Variants in TMEM236 observed in about 807,000 individuals in gnomAD.
TMEM236 encodes the protein transmembrane protein 236, also known as family with sequence similarity 23, member A.
TMEM236 carries 11 observed loss-of-function variants against 14.7 expected under a neutral mutation model. The ratio of observed to expected loss-of-function variants is 0.75; its 90% confidence interval spans 0.47 to 1.24. The LOEUF (loss-of-function observed/expected upper bound fraction) is 1.24. TMEM236 is among the 50% of genes most tolerant of loss of function. TMEM236 has a pLI of 0.00. For synonymous variants in TMEM236, 182 were observed against 168.6 expected (o/e 1.08, Z -0.62); for missense variants, 464 against 427.3 (o/e 1.09, Z -0.76).
rs1025593780 is a variant in TMEM236, at chr10:17,752,598, G to A, written c.257+46G>A. The A allele has an allele frequency of 7.1e-5, 113 of 1,588,048 alleles. 1 individual carries two copies. In the Middle Eastern group the frequency reaches 1.2e-3, roughly 17 times the overall value. On this transcript the variant is annotated intron_variant, in intron 1 of 3. Coordinates refer to ENST00000377495, the MANE Select transcript of TMEM236 (RefSeq NM_001098844.3). ...TTTTTTCTTTTTGATTTGGAGTCTC[G>A]CTCTGTCACCCAGGCTGGAGTGCAG...
At chr10:17,765,002 A>G (rs1837439145) in intron 1 of TMEM236, among the ~76,000 whole-genome samples, 1 of 151,708 alleles carries the variant, frequency 6.6e-6, no homozygotes, top group Admixed American at 6.6e-5. Context: ...TTGTATTTTT[A>G]GTAGAGATGG....
At chr10:17,768,086 G>GTTTTTTTTTTTTTT (rs879036347) in intron 1 of TMEM236, among the ~76,000 whole-genome samples, 21 of 92,010 alleles carry the variant, frequency 2.3e-4, no homozygotes, top group Non-Finnish European at 3.7e-4. Flanking sequence ...AATTTTTGTG[G>GTTTTTTTTTTTTTT]TTTTTTTTTT....
chr10:17,775,988 G>T lies in TMEM236; in HGVS notation c.331-41G>T. 8 of 1,612,116 alleles carry T rather than the reference G, an allele frequency of 5.0e-6. No homozygotes were observed. In the South Asian group the frequency reaches 8.8e-5, roughly 18 times the overall value. ...ATTGAAAGCATTTTGAGCAAAGAAA[G>T]CACAATAATTTAATGCTTGTAAATG... On this transcript the variant is annotated intron_variant, in intron 2 of 3. Coordinates refer to ENST00000377495, the MANE Select transcript of TMEM236 (RefSeq NM_001098844.3).
At chr10:17,763,797 G>A (rs1389299678) in intron 1 of TMEM236, among the ~76,000 whole-genome samples, 2 of 152,216 alleles carry the variant, frequency 1.3e-5, no homozygotes, top group South Asian at 2.1e-4. Context: ...TGGCAGCATC[G>A]CAGAGTGGTT....
At chr10:17,792,770 A>ATCT (rs1837947570) in intron 3 of TMEM236, among the ~76,000 whole-genome samples, 1 of 152,210 alleles carries the variant, frequency 6.6e-6, no homozygotes, top group Non-Finnish European at 1.5e-5. Flanking sequence ...TTATGCTTAT[A>ATCT]TCTTCTATAG....
chr10:17,770,672 C>T (rs888086842), intron 1 of TMEM236, among the ~76,000 whole-genome samples: 6 of 152,306 alleles, frequency 3.9e-5, no homozygotes, highest in Middle Eastern at 3.4e-3. Context: ...CGTGAGCCAC[C>T]GTGCCCGGCC....
chr10:17,786,953 ATCT>A (rs1332703828), intron 3 of TMEM236, among the ~76,000 whole-genome samples: 7 of 152,080 alleles, frequency 4.6e-5, no homozygotes, highest in African/African-American at 1.4e-4. Context: ...CCGCTTTTGC[ATCT>A]TCTTCATTCT....
intron 1 of TMEM236, among the ~76,000 whole-genome samples, chr10:17,757,969 A>G (rs1280067532): frequency 6.6e-6 from 1 of 152,016 alleles, no homozygotes; most frequent in African/African-American, 2.4e-5. Context: ...CAGTTTCACC[A>G]TATTGGCCAG....
intron 2 of TMEM236, among the ~76,000 whole-genome samples, chr10:17,773,177 G>T (rs978367227): frequency 1.7e-4 from 26 of 152,166 alleles, no homozygotes; most frequent in Middle Eastern, 3.2e-3. Flanking sequence ...CATTTCTGTT[G>T]GTTATGTATG....
Position 17,796,176 on chromosome 10 carries a change from T to C in TMEM236, c.728T>C (p.Leu243Pro). 1 of 1,613,954 alleles carries C rather than the reference T, an allele frequency of 6.2e-7. No individual in the cohort carries two copies. The highest frequency in any genetic ancestry group is 8.5e-7 in the Non-Finnish European group (1 of 1,179,854). ...VRAELFLWSFLLWSDTIEMVR... is the reference protein window; with the variant it reads ...VRAELFLWSFPLWSDTIEMVR... ...GCAGAGTTATTCTTATGGAGCTTTC[T>C]CCTGTGGTCTGACACGATAGAAATG... Residue 243 changes from leucine to proline, a missense_variant, in exon 4 of 4, where the codon CTC becomes CCC. Leu to Pro is a moderately conservative substitution (Grantham distance 98). Coordinates refer to ENST00000377495, the MANE Select transcript of TMEM236 (RefSeq NM_001098844.3).
At chr10:17,756,625 A>T (rs1177849733) in intron 1 of TMEM236, among the ~76,000 whole-genome samples, 2 of 152,280 alleles carry the variant, frequency 1.3e-5, no homozygotes, top group Non-Finnish European at 1.5e-5. Flanking sequence ...GTTTATCGTT[A>T]TTATTGCCTA....
At chr10:17,780,594 A>C (rs1837729553) in intron 3 of TMEM236, among the ~76,000 whole-genome samples, 1 of 152,154 alleles carries the variant, frequency 6.6e-6, no homozygotes. Context: ...ATGGTAAAGA[A>C]AGCTTTCTAC....
chr10:17,752,574 T>A, intron 1 of TMEM236, 22 bp downstream of exon 1: 1 of 1,611,290 alleles, frequency 6.2e-7, no homozygotes, highest in East Asian at 2.2e-5. Flanking sequence ...AATTTTCTTT[T>A]TTTTCTTTTT....
At chr10:17,787,034 G>T (rs985426170) in intron 3 of TMEM236, among the ~76,000 whole-genome samples, 2 of 152,210 alleles carry the variant, frequency 1.3e-5, no homozygotes, top group Non-Finnish European at 2.9e-5. Context: ...CCCCAGCCAT[G>T]TGGAACTGTA....
intron 3 of TMEM236, among the ~76,000 whole-genome samples, chr10:17,781,127 A>G (rs1009467100): frequency 6.6e-6 from 1 of 152,144 alleles, no homozygotes; most frequent in African/African-American, 2.4e-5. Context: ...TCCTATTGGC[A>G]CAGCTGCCAG....
In TMEM236 at chr10:17,800,259, AGTTAAAGGAAT is replaced by A. The variant is rs1162922828; in HGVS notation, c.*3758_*3768del. The A allele has an allele frequency of 6.6e-6, 1 of 151,456 alleles. No individual in the cohort carries two copies. Among genetic ancestry groups the A allele is most frequent in the Non-Finnish European group, 1.5e-5 (1 of 67,882 alleles). The allele number at this position is 151,456 out of a possible 1,614,324, so 9.4% of individuals were successfully genotyped here. A position where few individuals can be genotyped will look rare whatever the true frequency, so the allele number is the denominator to read the frequency against. Reference sequence around the variant, plus strand: ...AAAAAAAAAAAAGTCAAGTACAGTTAGTTAAAGGAATGTGCATTTAAAAATTAATCTATGAT... The same window carrying A: ...AAAAAAAAAAAAGTCAAGTACAGTTAGTGCATTTAAAAATTAATCTATGAT... On this transcript the variant is annotated 3_prime_UTR_variant, in exon 4 of 4. Transcript: ENST00000377495.
At position 17,752,355 on chromosome 10, in the gene TMEM236, C is replaced by T; in HGVS notation, c.60C>T (p.Phe20=). 1 of 1,613,876 alleles carries T rather than the reference C, an allele frequency of 6.2e-7. No homozygotes were observed. ...VVFELLEFAA[F]SIPTLVITEQ... is the part of the protein sequence containing the mutation. ...TTGAGCTCCTAGAGTTTGCCGCTTT[C>T]TCCATCCCCACACTCGTGATCACAG... Residue 20 remains phenylalanine, a synonymous_variant, in exon 1 of 4, where the codon TTC becomes TTT. Coordinates refer to ENST00000377495, the MANE Select transcript of TMEM236 (RefSeq NM_001098844.3).
chr10:17,781,537 G>A (rs1837748414), intron 3 of TMEM236, among the ~76,000 whole-genome samples: 1 of 152,194 alleles, frequency 6.6e-6, no homozygotes, highest in South Asian at 2.1e-4. Flanking sequence ...CCTGAGGTCA[G>A]GAGTTTGAGA....
Position 17,758,536 on chromosome 10 carries a change from C to T in TMEM236, c.257+5984C>T, listed in dbSNP as rs1055897737. 5.9e-3 allele frequency among the ~76,000 whole-genome samples: 897 copies of T among 152,296 alleles called. 5 individuals carry two copies. The highest frequency in any genetic ancestry group is 9.7e-3 in the Non-Finnish European group (662 of 68,018). On this transcript the variant is annotated intron_variant, in intron 1 of 3. Transcript: ENST00000377495. ...TTTTTCGTGAGCAAAACAGAGACAA[C>T]TTAGTTTCTTTCTTGGAGTGCTGTT... is the stretch of plus-strand genomic sequence containing the variant.
Sources: allele counts gnomAD v4.1 joint callset (sites outside exome capture counted in the v4.1 genomes callset), GRCh38; gene constraint gnomAD v4.1.1; transcripts MANE v1.5; gene names NCBI Gene and HGNC (gene_info 2026-07-23, HGNC 2026-07-21).